Variants in ABCC8 observed in about 807,000 individuals in gnomAD.
ABCC8 encodes the protein ATP binding cassette subfamily C member 8, also known as ATP-binding cassette sub-family C member 8.
ABCC8 carries 137 observed loss-of-function variants against 188.0 expected under a neutral mutation model. The ratio of observed to expected loss-of-function variants is 0.73; its 90% CI spans 0.63 to 0.84. ABCC8 has a LOEUF of 0.84. ABCC8 is among the 40% of genes least tolerant of loss of function. The probability of loss-of-function intolerance (pLI) is 0.00; values close to 1 mark genes in which losing one functional copy is unlikely to be tolerated. For synonymous variants in ABCC8, 797 were observed against 846.5 expected (o/e 0.94, Z 1.01); for missense variants, 1,750 against 2,072.7 (o/e 0.84, Z 3.02).
At chr11:17,432,454 C>T (rs1004325759) in intron 10 of ABCC8, 440 of 1,043,878 alleles carry the variant, frequency 4.2e-4, no homozygotes, top group Non-Finnish European at 3.5e-4. Flanking sequence ...CCCCGGCCCC[C>T]GACTCTGGGG....
chr11:17,431,004 G>C (rs765557849), intron 11 of ABCC8, 45 bp from the exon 12 acceptor site: 34 of 1,606,576 alleles, frequency 2.1e-5, no homozygotes, highest in Non-Finnish European at 2.9e-5. Flanking sequence ...CCAGGGTGTG[G>C]GTCCCTCCCA....
chr11:17,448,338 T>C lies in ABCC8; in HGVS notation c.1332+178A>G, dbSNP rs1365166910. On this transcript the variant is annotated intron_variant, in intron 8 of 38. Transcript: ENST00000389817. ...GGTCATTAAGAGAGATGGTCAGTGC[T>C]TGCAGAGTATGGGACAGGAGGGACC... 2.8e-5 allele frequency: 18 copies of C among 654,402 alleles called. No individual in the cohort carries two copies. The East Asian group carries it at 4.9e-4, about 18-fold the overall frequency. 40.5% of individuals were successfully genotyped at this position (654,402 alleles called of 1,614,324 possible). A position where few individuals can be genotyped will look rare whatever the true frequency, so the allele number is the denominator to read the frequency against.
rs914584465 is a variant in ABCC8 at position 17,414,803 on chromosome 11, G to C, written c.2292-193C>G. On this transcript the variant is annotated intron_variant, in intron 18 of 38. Coordinates refer to ENST00000389817, the MANE Select transcript of ABCC8 (RefSeq NM_000352.6). Reference sequence around the variant, plus strand: ...GGTTTGAGAGGTCTGGGTCTCAACTGACTGGGGCAGCAGGACCTCATCCCC... The same window carrying C: ...GGTTTGAGAGGTCTGGGTCTCAACTCACTGGGGCAGCAGGACCTCATCCCC... 1.8e-5 allele frequency: 11 copies of C among 626,554 alleles called. 1 individual carries two copies. In the East Asian group the frequency reaches 1.1e-3, roughly 64 times the overall value. The allele number at this position is 626,554 out of a possible 1,614,324, so 38.8% of individuals were successfully genotyped here.
At chr11:17,407,172 C>T (rs764393695) in intron 24 of ABCC8, 43 bp from the exon 25 acceptor site, 40 of 1,600,586 alleles carry the variant, frequency 2.5e-5, no homozygotes, top group Non-Finnish European at 3.2e-5. Flanking sequence ...ACATTTCCAT[C>T]CCTCTGAGGG....
At position 17,395,932 on chromosome 11, in the gene ABCC8, T is replaced by C; in HGVS notation, c.4120-2A>G. The stretch of plus-strand genomic sequence containing the variant: ...GCCGGTGCGGCCGCAGATCCCGATC[T>C]GGAAAGAGAGAAGCAGGCACCGCCA... On this transcript the variant is annotated splice_acceptor_variant, in intron 33 of 38. Coordinates refer to ENST00000389817, the MANE Select transcript of ABCC8 (RefSeq NM_000352.6). LOFTEE classifies it high-confidence loss of function. The C allele has an allele frequency of 6.3e-7, 1 of 1,576,226 alleles. No homozygotes were observed. Among genetic ancestry groups the C allele is most frequent in the South Asian group, 1.2e-5 (1 of 86,242 alleles).
intron 6 of ABCC8, among the ~76,000 whole-genome samples, chr11:17,459,183 G>C (rs929890876): frequency 6.6e-6 from 1 of 152,156 alleles, no homozygotes; most frequent in Non-Finnish European, 1.5e-5. Context: ...AAACTGTACA[G>C]TATTTGAGGT....
chr11:17,464,821 C>T (rs1848048935), intron 3 of ABCC8, among the ~76,000 whole-genome samples: 1 of 152,210 alleles, frequency 6.6e-6, no homozygotes, highest in African/African-American at 2.4e-5. Flanking sequence ...TTCCCTCCTC[C>T]CTCCTAGACC....
At position 17,443,170 on chromosome 11, in the gene ABCC8, G is replaced by C. The variant is rs1218507375; in HGVS notation, c.1467+8C>G. 2 of 1,614,052 alleles carry C rather than the reference G, an allele frequency of 1.2e-6. No individual in the cohort carries two copies. Among genetic ancestry groups the C allele is most frequent in the Non-Finnish European group, 1.7e-6 (2 of 1,179,984 alleles). ...AGGGACAAAACACACACACCTTTGG[G>C]CACTCACCAGTGTGCTCCGCTGGGC... On this transcript the variant is annotated splice_region_variant and intron_variant, in intron 9 of 38. Coordinates refer to ENST00000389817, the MANE Select transcript of ABCC8 (RefSeq NM_000352.6).
At chr11:17,450,495 C>T (rs1247333391) in intron 7 of ABCC8, among the ~76,000 whole-genome samples, 10 of 145,642 alleles carry the variant, frequency 6.9e-5, no homozygotes, top group Non-Finnish European at 1.4e-4. Flanking sequence ...CCTGGGTTCA[C>T]GCCATTCTCC....
At chr11:17,460,225 G>C (rs775502562) in intron 6 of ABCC8, among the ~76,000 whole-genome samples, 1 of 152,230 alleles carries the variant, frequency 6.6e-6, no homozygotes, top group African/African-American at 2.4e-5. Flanking sequence ...TGCAGTTTTC[G>C]GACTGACCTA....
intron 9 of ABCC8, 31 bp from the exon 10 acceptor site, chr11:17,442,913 G>T: frequency 1.2e-6 from 2 of 1,605,524 alleles, no homozygotes; most frequent in Non-Finnish European, 1.7e-6. Flanking sequence ...GAGGGGAGAG[G>T]CTTCTGCTCC....
intron 31 of ABCC8, 57 bp downstream of exon 31, chr11:17,397,627 G>T (rs1954008355): frequency 6.3e-7 from 1 of 1,576,892 alleles, no homozygotes; most frequent in Non-Finnish European, 8.6e-7. Context: ...AGTGACGAAG[G>T]TGCTCCGGGA....
chr11:17,412,856 T>C (rs1420364989), intron 20 of ABCC8, 110 bp from the exon 21 acceptor site: 4 of 1,541,134 alleles, frequency 2.6e-6, no homozygotes, highest in East Asian at 4.9e-5. Context: ...TCTATCCACT[T>C]CTTTGCCTGC....
Position 17,469,800 on chromosome 11 carries a change from A to G in ABCC8, c.412+301T>C, listed in dbSNP as rs563045980. On this transcript the variant is annotated intron_variant, in intron 3 of 38. Transcript: ENST00000389817. ...CCCAAATATCTGCATGCCCACAGTT[A>G]CCACAGCCCTTCCCTGACCATCCTG... Among the ~76,000 whole-genome samples, 23 of 152,170 alleles carry G rather than the reference A, an allele frequency of 1.5e-4. No homozygotes were observed. The South Asian group carries it at 4.8e-3, about 32-fold the overall frequency.
intron 7 of ABCC8, 43 bp from the exon 8 acceptor site, chr11:17,448,714 A>T (rs1418473516): frequency 6.2e-7 from 1 of 1,611,200 alleles, no homozygotes; most frequent in African/African-American, 1.3e-5. Context: ...CATCATTCTC[A>T]TCATCATCAC....
chr11:17,414,643 G>GGA (rs749343744), intron 18 of ABCC8, 33 bp from the exon 19 acceptor site: 4 of 1,613,502 alleles, frequency 2.5e-6, no homozygotes, highest in Non-Finnish European at 3.4e-6. Flanking sequence ...AGGGGGTGCG[G>GGA]AAGGCATTCT....
At chr11:17,453,369 G>T in intron 6 of ABCC8, 86 bp from the exon 7 acceptor site, 2 of 1,560,886 alleles carry the variant, frequency 1.3e-6, no homozygotes, top group Non-Finnish European at 1.7e-6. Flanking sequence ...AATGGACCAC[G>T]GCCATCATTA....
intron 7 of ABCC8, among the ~76,000 whole-genome samples, chr11:17,450,153 A>T (rs190126136): frequency 6.6e-6 from 1 of 152,224 alleles, no homozygotes; most frequent in Non-Finnish European, 1.5e-5. Context: ...ACCCATGAAG[A>T]CACAGGCTCT....
At position 17,461,518 on chromosome 11, in the gene ABCC8, G is replaced by A; in HGVS notation, c.822+65C>T. On this transcript the variant is annotated intron_variant, in intron 5 of 38. Transcript: ENST00000389817. ...AGGATTTTGACCTAATGCCCTTTGAGGTCCCTCTCTGTGACCCTAAACCAG... is the reference window on the plus strand; with the variant it reads ...AGGATTTTGACCTAATGCCCTTTGAAGTCCCTCTCTGTGACCCTAAACCAG... 8.1e-6 allele frequency: 13 copies of A among 1,600,744 alleles called. No individual in the cohort carries two copies. In the South Asian group the frequency reaches 1.0e-4, roughly 12 times the overall value.
Sources: gnomAD v4.1 joint callset for allele counts (sites outside exome capture counted in the v4.1 genomes callset) on GRCh38, gnomAD v4.1.1 for gene constraint, MANE v1.5 for transcripts, NCBI Gene and HGNC (gene_info 2026-07-23, HGNC 2026-07-21) for gene names.